MYO1D: variants seen among roughly 807,000 people sequenced by gnomAD.
MYO1D encodes unconventional myosin-Id.
In MYO1D, 83 loss-of-function variants were observed where a neutral mutation model predicts 122.0. The ratio of observed to expected loss-of-function variants is 0.68; its 90% CI spans 0.57 to 0.82. MYO1D has a LOEUF of 0.82. Among genes scored for constraint, MYO1D ranks in the 40% least tolerant of loss-of-function variants. The pLI is 0.00. For missense variants in MYO1D, 1,157 were observed against 1,269.5 expected (o/e 0.91, Z 1.35); for synonymous variants, 464 against 446.9 (o/e 1.04, Z -0.48).
chr17:32,846,710 T>C (rs1452233743), intron 1 of MYO1D, among the ~76,000 whole-genome samples: 1 of 152,212 alleles, frequency 6.6e-6, no homozygotes, highest in Non-Finnish European at 1.5e-5. Context: ...ACAGGAGTGA[T>C]AACTGATGCC....
chr17:32,659,195 G>C lies in MYO1D; in HGVS notation c.2265C>G (p.Asp755Glu). ...RRFHGVKTMR[D>E]YGKHVKWPSP... Reference sequence around the variant, plus strand: ...TTGGCCACTTCACGTGCTTCCCGTAGTCTCGCATGGTCTTGACGCCATGGA... The same window carrying C: ...TTGGCCACTTCACGTGCTTCCCGTACTCTCGCATGGTCTTGACGCCATGGA... The change falls in exon 17 of 22, where the codon GAC becomes GAG. Residue 755 changes from aspartate to glutamate, a missense_variant. By Grantham distance (45) the Asp-to-Glu change is conservative. Transcript: ENST00000318217. 6.2e-7 allele frequency: 1 copy of C among 1,614,206 alleles called. No homozygotes were observed.
chr17:32,612,837 C>T (rs1317079606), intron 20 of MYO1D, among the ~76,000 whole-genome samples: 1 of 151,742 alleles, frequency 6.6e-6, no homozygotes, highest in African/African-American at 2.4e-5. Context: ...GGCACGATCT[C>T]GGCTCACTGC....
At chr17:32,570,705 C>A (rs1406435053) in intron 21 of MYO1D, among the ~76,000 whole-genome samples, 1 of 152,120 alleles carries the variant, frequency 6.6e-6, no homozygotes, top group African/African-American at 2.4e-5. Flanking sequence ...GCTTTCAAAG[C>A]TCCTTTCAAA....
chr17:32,712,186 C>G lies in MYO1D; in HGVS notation c.1923G>C (p.Met641Ile), dbSNP rs1257282730. ...TYEKFLHRYKMISEFTWPNHD... is the reference protein window; with the variant it reads ...TYEKFLHRYKIISEFTWPNHD... ...GGTTGGGCCAGGTGAATTCAGAGAT[C>G]ATCTTATACCTGGATGAAAAAAAGA... Residue 641 changes from methionine (M) to isoleucine (I), a missense_variant, in exon 16 of 22, where the codon ATG becomes ATC. Met to Ile is a conservative substitution (Grantham distance 10). Coordinates refer to ENST00000318217, the MANE Select transcript of MYO1D (RefSeq NM_015194.3). 6.2e-7 allele frequency: 1 copy of G among 1,612,448 alleles called. No homozygotes were observed. The highest frequency in any genetic ancestry group is 2.2e-5 in the East Asian group (1 of 44,858).
intron 16 of MYO1D, among the ~76,000 whole-genome samples, chr17:32,705,622 T>C (rs2089297706): frequency 6.6e-6 from 1 of 152,222 alleles, no homozygotes; most frequent in African/African-American, 2.4e-5. Context: ...AGTGGAAGAC[T>C]ATACATTTTT....
intron 1 of MYO1D, among the ~76,000 whole-genome samples, chr17:32,808,915 A>T (rs1381200645): frequency 1.3e-5 from 2 of 152,182 alleles, no homozygotes; most frequent in Non-Finnish European, 2.9e-5. Context: ...TGAAAGACTA[A>T]GACATTGAGA....
At chr17:32,616,214 T>C (rs775507497) in intron 20 of MYO1D, among the ~76,000 whole-genome samples, 1 of 152,180 alleles carries the variant, frequency 6.6e-6, no homozygotes, top group African/African-American at 2.4e-5. Context: ...TGTGCCTGGA[T>C]TGAATTAGAT....
Position 32,778,498 on chromosome 17 carries a change from T to C in MYO1D, c.380A>G (p.Gln127Arg). 1 of 1,613,616 alleles carries C rather than the reference T, an allele frequency of 6.2e-7. No homozygotes were observed. The highest frequency in any genetic ancestry group is 8.5e-7 in the Non-Finnish European group (1 of 1,179,494). ...CTCTTACCTTTCAACCTCTGCTCTC[T>C]GACTGGGGTTGGTGATGGCCGCAAT... Reference protein sequence around the residue: ...QYIAAITNPSQRAEVERVKNM... With the variant: ...QYIAAITNPSRRAEVERVKNM... The change falls in exon 3 of 22, where the codon CAG becomes CGG. Residue 127 changes from glutamine (Q) to arginine (R), a missense_variant. Gln to Arg is a conservative substitution (Grantham distance 43). Coordinates refer to ENST00000318217, the MANE Select transcript of MYO1D (RefSeq NM_015194.3).
intron 21 of MYO1D, among the ~76,000 whole-genome samples, chr17:32,564,972 C>T (rs1236484609): frequency 2.6e-5 from 4 of 152,200 alleles, no homozygotes; most frequent in African/African-American, 9.6e-5. Context: ...ATGCATATAA[C>T]TAGACATCAT....
intron 20 of MYO1D, among the ~76,000 whole-genome samples, chr17:32,629,692 C>T (rs1032641450): frequency 2.7e-5 from 4 of 149,472 alleles, no homozygotes; most frequent in African/African-American, 9.9e-5. Flanking sequence ...AATTGCGCCA[C>T]TACACTCCAG....
intron 16 of MYO1D, among the ~76,000 whole-genome samples, chr17:32,680,966 T>G (rs2088906448): frequency 6.6e-6 from 1 of 152,182 alleles, no homozygotes; most frequent in African/African-American, 2.4e-5. Context: ...AACTTCTTCC[T>G]GGTTTAGTCT....
At chr17:32,634,763 G>T (rs911491575) in intron 20 of MYO1D, among the ~76,000 whole-genome samples, 1 of 152,168 alleles carries the variant, frequency 6.6e-6, no homozygotes, top group African/African-American at 2.4e-5. Flanking sequence ...CTGGCAATTG[G>T]AGTGGGAGTA....
chr17:32,516,245 C>G (rs1436188483), intron 21 of MYO1D, among the ~76,000 whole-genome samples: 1 of 152,256 alleles, frequency 6.6e-6, no homozygotes, highest in African/African-American at 2.4e-5. Context: ...TGGGATGGGG[C>G]ATCTATTTCT....
chr17:32,507,276 C>T (rs55713641), intron 21 of MYO1D, among the ~76,000 whole-genome samples: 3,379 of 151,640 alleles, frequency 0.022, 121 homozygotes, highest in African/African-American at 0.075. Context: ...TGGTGGCAGA[C>T]GCCTATAGTT....
At chr17:32,625,076 C>T (rs1447814668) in intron 20 of MYO1D, among the ~76,000 whole-genome samples, 1 of 152,212 alleles carries the variant, frequency 6.6e-6, no homozygotes, top group African/African-American at 2.4e-5. Flanking sequence ...CAGGCGTGAG[C>T]CACTGTGCCC....
At chr17:32,571,167 C>T (rs2087223553) in intron 21 of MYO1D, among the ~76,000 whole-genome samples, 1 of 152,072 alleles carries the variant, frequency 6.6e-6, no homozygotes, top group African/African-American at 2.4e-5. Context: ...TGGGAAGTAT[C>T]TGTGGGGCTT....
At chr17:32,771,282 G>C in intron 5 of MYO1D, 62 bp from the exon 6 acceptor site, 1 of 1,141,302 alleles carries the variant, frequency 8.8e-7, no homozygotes. Context: ...CATGAACTTA[G>C]TGGTAATCTA....
intron 1 of MYO1D, among the ~76,000 whole-genome samples, chr17:32,856,264 C>A (rs1482554748): frequency 6.6e-6 from 1 of 152,156 alleles, no homozygotes; most frequent in South Asian, 2.1e-4. Context: ...CAGATTCCAG[C>A]GCTTCACATC....
chr17:32,747,654 T>C (rs1041080930), intron 12 of MYO1D, among the ~76,000 whole-genome samples: 6 of 151,930 alleles, frequency 3.9e-5, no homozygotes, highest in African/African-American at 1.5e-4. Flanking sequence ...CTGGCCAACA[T>C]GGTGAAACCC....
Sources: allele counts gnomAD v4.1 joint callset (sites outside exome capture counted in the v4.1 genomes callset), GRCh38; gene constraint gnomAD v4.1.1; transcripts MANE v1.5; gene names NCBI Gene and HGNC (gene_info 2026-07-23, HGNC 2026-07-21).